The following WARS2 variants were observed in gnomAD, a reference collection of about 807,000 sequenced individuals.
WARS2 encodes the protein tryptophanyl tRNA synthetase 2, mitochondrial.
A neutral mutation model predicts 36.5 loss-of-function variants in WARS2; 28 were observed. The ratio of observed to expected loss-of-function variants is 0.77; its 90% confidence interval spans 0.57 to 1.05. WARS2 has a LOEUF of 1.05. Ranked by LOEUF, WARS2 falls within the 50% of genes least tolerant of loss-of-function variation. The probability of loss-of-function intolerance (pLI) is 0.00; values close to 1 mark genes in which losing one functional copy is unlikely to be tolerated. For synonymous variants in WARS2, 174 were observed against 178.4 expected (o/e 0.98, Z 0.20); for missense variants, 435 against 456.8 (o/e 0.95, Z 0.44).
rs587752437 is a variant in WARS2 at position 119,111,138 on chromosome 1, T to A, written c.90+29417A>T. Among the ~76,000 whole-genome samples, 274 of 152,332 alleles carry A rather than the reference T, an allele frequency of 1.8e-3. 3 individuals carry two copies. The highest frequency in any genetic ancestry group is 6.4e-3 in the African/African-American group (265 of 41,584). On this transcript the variant is annotated intron_variant, in intron 1 of 5. Coordinates refer to ENST00000235521, the MANE Select transcript of WARS2 (RefSeq NM_015836.4). ...TATTCCTGACATATCTGACTCTAGTTCTGAGGCTTGTTTAGTCTCTTCAAA... is the reference window on the plus strand; with the variant it reads ...TATTCCTGACATATCTGACTCTAGTACTGAGGCTTGTTTAGTCTCTTCAAA...
intron 1 of WARS2, among the ~76,000 whole-genome samples, chr1:119,130,944 G>C (rs749759348): frequency 1.3e-4 from 20 of 152,142 alleles, no homozygotes; most frequent in Non-Finnish European, 2.8e-4. Context: ...AGCTTATGCT[G>C]CACCTGTGGT....
At chr1:119,060,743 A>G (rs1295367094) in intron 2 of WARS2, among the ~76,000 whole-genome samples, 2 of 152,196 alleles carry the variant, frequency 1.3e-5, no homozygotes, top group Non-Finnish European at 2.9e-5. Flanking sequence ...TTTCTGTCTG[A>G]GGGCAGTCCT....
intron 2 of WARS2, among the ~76,000 whole-genome samples, chr1:119,054,994 T>C (rs934540360): frequency 6.6e-6 from 1 of 152,228 alleles, no homozygotes; most frequent in Middle Eastern, 3.2e-3. Context: ...AATGTGAATA[T>C]ACATTACAGA....
intron 1 of WARS2, among the ~76,000 whole-genome samples, chr1:119,116,010 G>A (rs1215325630): frequency 6.6e-6 from 1 of 152,160 alleles, no homozygotes; most frequent in Non-Finnish European, 1.5e-5. Flanking sequence ...ACTAGCATAA[G>A]CATTATGCGT....
At chr1:119,059,611 C>T (rs1294847398) in intron 2 of WARS2, among the ~76,000 whole-genome samples, 1 of 152,156 alleles carries the variant, frequency 6.6e-6, no homozygotes, top group Non-Finnish European at 1.5e-5. Flanking sequence ...TATAAGTCCT[C>T]TAGTTGTGTT....
chr1:119,070,590 T>A (rs766212499), intron 2 of WARS2, among the ~76,000 whole-genome samples: 1 of 29,930 alleles, frequency 3.3e-5, no homozygotes, highest in East Asian at 1.1e-3. Context: ...TAAAAATAGT[T>A]TTCTGGCCAG....
Position 119,032,636 on chromosome 1 carries a change from C to T in WARS2, c.*275G>A. 2 of 434,916 alleles carry T rather than the reference C, an allele frequency of 4.6e-6. No individual in the cohort carries two copies. Among genetic ancestry groups the T allele is most frequent in the South Asian group, 6.4e-5 (2 of 31,040 alleles). 26.9% of individuals were successfully genotyped at this position (434,916 alleles called of 1,614,324 possible). A position where few individuals can be genotyped will look rare whatever the true frequency, so the allele number is the denominator to read the frequency against. Reference sequence around the variant, plus strand: ...ACTCCTTACTTCAATCACATTTCTGCAGGCCAAGGAGTGTGCCTCAATAAT... The same window carrying T: ...ACTCCTTACTTCAATCACATTTCTGTAGGCCAAGGAGTGTGCCTCAATAAT... On this transcript the variant is annotated 3_prime_UTR_variant, in exon 6 of 6. Coordinates refer to ENST00000235521, the MANE Select transcript of WARS2 (RefSeq NM_015836.4).
intron 1 of WARS2, among the ~76,000 whole-genome samples, chr1:119,093,206 A>G (rs1266168625): frequency 6.6e-6 from 1 of 152,128 alleles, no homozygotes; most frequent in African/African-American, 2.4e-5. Flanking sequence ...TTTACATTTA[A>G]CATTTTATAA....
chr1:119,113,199 A>G (rs895332956), intron 1 of WARS2, among the ~76,000 whole-genome samples: 2 of 152,210 alleles, frequency 1.3e-5, no homozygotes, highest in African/African-American at 4.8e-5. Context: ...GCCTACCTAA[A>G]GCAGAAAAGG....
At chr1:119,076,215 A>G in intron 2 of WARS2, 135 bp downstream of exon 2, 1 of 1,107,434 alleles carries the variant, frequency 9.0e-7, no homozygotes, top group Non-Finnish European at 1.3e-6. Context: ...TTAAGCTGAA[A>G]AAAATCACAT....
intron 1 of WARS2, among the ~76,000 whole-genome samples, chr1:119,104,300 A>G (rs950559321): frequency 6.6e-6 from 1 of 151,528 alleles, no homozygotes; most frequent in Non-Finnish European, 1.5e-5. Flanking sequence ...ATCTTACAAT[A>G]AACTTTGACT....
rs587746330 is a variant in WARS2 at position 119,126,286 on chromosome 1, C to T, written c.90+14269G>A. On this transcript the variant is annotated intron_variant, in intron 1 of 5. Coordinates refer to ENST00000235521, the MANE Select transcript of WARS2 (RefSeq NM_015836.4). ...AGTTTTGAAAAAAAAAAAAAAAAAT[C>T]TCAAAATAATGCAGAATTTTGTTTC... 6.9e-5 allele frequency among the ~76,000 whole-genome samples: 10 copies of T among 144,012 alleles called. No homozygotes were observed. In the South Asian group the frequency reaches 2.1e-3, roughly 31 times the overall value. 94.5% of individuals were successfully genotyped at this position (144,012 alleles called of 152,430 possible). A position where few individuals can be genotyped will look rare whatever the true frequency, so the allele number is the denominator to read the frequency against.
At chr1:119,109,323 T>A (rs1178415693) in intron 1 of WARS2, among the ~76,000 whole-genome samples, 1 of 151,958 alleles carries the variant, frequency 6.6e-6, no homozygotes, top group East Asian at 1.9e-4. Flanking sequence ...ATTCATCTGT[T>A]TCTCTTTGGA....
At chr1:119,067,081 G>T (rs1353724626) in intron 2 of WARS2, among the ~76,000 whole-genome samples, 1 of 152,062 alleles carries the variant, frequency 6.6e-6, no homozygotes, top group Non-Finnish European at 1.5e-5. Context: ...TAGTTTGACT[G>T]TATTTAGCAG....
At chr1:119,041,970 TTGA>T (rs1475507135) in intron 4 of WARS2, among the ~76,000 whole-genome samples, 2 of 152,128 alleles carry the variant, frequency 1.3e-5, no homozygotes, top group African/African-American at 4.8e-5. Context: ...GTTGTAAGGG[TTGA>T]TGTATATAAA....
intron 1 of WARS2, among the ~76,000 whole-genome samples, chr1:119,092,615 C>T (rs938329596): frequency 6.6e-6 from 1 of 152,160 alleles, no homozygotes; most frequent in Non-Finnish European, 1.5e-5. Context: ...ATCCCCAACT[C>T]CTTCCTTTCC....
intron 4 of WARS2, among the ~76,000 whole-genome samples, chr1:119,038,901 T>G (rs1648106764): frequency 3.3e-5 from 5 of 152,096 alleles, no homozygotes; most frequent in Admixed American, 3.3e-4. Context: ...AGGCTGGTCT[T>G]GAACTCCTGA....
chr1:119,105,617 A>C (rs1654176171), intron 1 of WARS2, among the ~76,000 whole-genome samples: 1 of 152,170 alleles, frequency 6.6e-6, no homozygotes, highest in Admixed American at 6.5e-5. Flanking sequence ...AAGGCATTAA[A>C]AAAGGGCATT....
chr1:119,091,156 C>T (rs1016696144), intron 1 of WARS2, among the ~76,000 whole-genome samples: 1 of 152,138 alleles, frequency 6.6e-6, no homozygotes, highest in African/African-American at 2.4e-5. Flanking sequence ...GTTCAAAATC[C>T]TTCTATGCCT....
Sources: allele counts gnomAD v4.1 joint callset (sites outside exome capture counted in the v4.1 genomes callset), GRCh38; gene constraint gnomAD v4.1.1; transcripts MANE v1.5; gene names NCBI Gene and HGNC (gene_info 2026-07-23, HGNC 2026-07-21).